NRG1: variants seen among roughly 807,000 people sequenced by gnomAD.
NRG1 encodes pro-neuregulin-1, membrane-bound isoform.
In NRG1, 18 loss-of-function variants were observed where a neutral mutation model predicts 63.8. The observed-to-expected ratio is 0.28, with a 90% CI of 0.19 to 0.42. The LOEUF (loss-of-function observed/expected upper bound fraction) is 0.42, where lower values mean the gene tolerates loss of function less well. Among genes scored for constraint, NRG1 ranks in the 10% least tolerant of loss-of-function variants. The pLI, the probability that NRG1 is intolerant of heterozygous loss-of-function variation, is 1.00. For synonymous variants in NRG1, 302 were observed against 301.3 expected, an observed-to-expected ratio of 1.00 and a Z score of -0.02; for missense variants, 762 against 814.7, an observed-to-expected ratio of 0.94 and a Z score of 0.79.
chr8:32,420,155 T>G (rs1376826064), intron 1 of NRG1, among the ~76,000 whole-genome samples: 1 of 152,140 alleles, frequency 6.6e-6, no homozygotes. Context: ...TGACAAGGAC[T>G]TTCAGTGTGA....
At chr8:32,256,055 C>T (rs1192433563) in intron 1 of NRG1, among the ~76,000 whole-genome samples, 1 of 152,132 alleles carries the variant, frequency 6.6e-6, no homozygotes, top group Non-Finnish European at 1.5e-5. Context: ...TTTTTCAGCT[C>T]CATCAGGTCT....
At chr8:31,734,663 A>G (rs953780076) in intron 1 of NRG1, among the ~76,000 whole-genome samples, 1 of 152,192 alleles carries the variant, frequency 6.6e-6, no homozygotes, top group African/African-American at 2.4e-5. Context: ...TTACGTATTA[A>G]ACATTATATT....
chr8:31,780,029 C>T (rs1040391971), intron 1 of NRG1, among the ~76,000 whole-genome samples: 10 of 152,198 alleles, frequency 6.6e-5, no homozygotes, highest in Non-Finnish European at 1.0e-4. Context: ...CTGAGGCTCT[C>T]TGATACCCGC....
intron 1 of NRG1, among the ~76,000 whole-genome samples, chr8:32,481,159 CATG>C (rs1352264419): frequency 1.3e-5 from 2 of 151,984 alleles, no homozygotes; most frequent in Non-Finnish European, 2.9e-5. Flanking sequence ...GCCTGGGCAA[CATG>C]ATGAAATCTC....
chr8:32,354,261 A>G (rs1215725116), intron 1 of NRG1, among the ~76,000 whole-genome samples: 4 of 151,932 alleles, frequency 2.6e-5, no homozygotes, highest in African/African-American at 9.7e-5. Flanking sequence ...CCCAGCTACT[A>G]GGGAGGCTGA....
chr8:32,482,306 A>T (rs142468452), intron 1 of NRG1, among the ~76,000 whole-genome samples: 6 of 152,144 alleles, frequency 3.9e-5, no homozygotes, highest in Non-Finnish European at 7.3e-5. Flanking sequence ...GAGGAGAGTT[A>T]TACAATCAGC....
intron 1 of NRG1, among the ~76,000 whole-genome samples, chr8:32,425,759 A>G (rs1251510344): frequency 6.6e-6 from 1 of 152,172 alleles, no homozygotes; most frequent in Non-Finnish European, 1.5e-5. Context: ...CCCAGCATGT[A>G]AAGTTTCTAA....
intron 1 of NRG1, among the ~76,000 whole-genome samples, chr8:31,874,329 G>T: frequency 6.6e-6 from 1 of 152,240 alleles, no homozygotes; most frequent in Non-Finnish European, 1.5e-5. Context: ...TTAAAGTAAT[G>T]GATGAAATAA....
At chr8:32,013,695 G>A (rs1815086993) in intron 1 of NRG1, among the ~76,000 whole-genome samples, 1 of 152,110 alleles carries the variant, frequency 6.6e-6, no homozygotes, top group Admixed American at 6.6e-5. Context: ...AACCCTGTCT[G>A]TCCACTACCC....
intron 1 of NRG1, among the ~76,000 whole-genome samples, chr8:31,962,743 T>A (rs1440407733): frequency 6.6e-6 from 1 of 152,198 alleles, no homozygotes; most frequent in Non-Finnish European, 1.5e-5. Flanking sequence ...CTGCTGGGTA[T>A]AAGCCTAGAG....
At chr8:32,530,051 T>C (rs1831281756) in intron 1 of NRG1, among the ~76,000 whole-genome samples, 2 of 152,090 alleles carry the variant, frequency 1.3e-5, no homozygotes, top group African/African-American at 4.8e-5. Context: ...ACACGAGTAA[T>C]GTGTTGTGCT....
At chr8:32,124,000 A>C (rs1833793571) in intron 1 of NRG1, among the ~76,000 whole-genome samples, 1 of 151,984 alleles carries the variant, frequency 6.6e-6, no homozygotes, top group Admixed American at 6.6e-5. Flanking sequence ...AACTAAAAAA[A>C]GGAAATTATT....
chr8:32,642,541 CT>C (rs1852622862), intron 5 of NRG1, among the ~76,000 whole-genome samples: 1 of 152,186 alleles, frequency 6.6e-6, no homozygotes, highest in Non-Finnish European at 1.5e-5. Context: ...GTACTTTATC[CT>C]CCAGAGAAGC....
At chr8:31,782,187 C>T (rs1368407930) in intron 1 of NRG1, among the ~76,000 whole-genome samples, 1 of 152,160 alleles carries the variant, frequency 6.6e-6, no homozygotes, top group African/African-American at 2.4e-5. Flanking sequence ...TGGCCTTCTT[C>T]TTGGTCTTCA....
chr8:32,725,492 T>TTC (rs1821892120), intron 5 of NRG1, among the ~76,000 whole-genome samples: 1 of 121,312 alleles, frequency 8.2e-6, no homozygotes, highest in Non-Finnish European at 1.7e-5. Flanking sequence ...TTTTTTTTTT[T>TTC]TGAGACAGAG....
intron 1 of NRG1, among the ~76,000 whole-genome samples, chr8:32,064,188 C>T (rs1824359742): frequency 6.6e-6 from 1 of 151,976 alleles, no homozygotes. Flanking sequence ...ACCAGAGCAA[C>T]AAAAAGGAGA....
intron 1 of NRG1, among the ~76,000 whole-genome samples, chr8:31,784,011 G>A (rs1306616059): frequency 6.6e-6 from 1 of 152,132 alleles, no homozygotes. Context: ...CTAATGCATG[G>A]ATATGTGATT....
intron 1 of NRG1, among the ~76,000 whole-genome samples, chr8:32,201,892 G>A (rs779927390): frequency 4.6e-5 from 7 of 152,154 alleles, no homozygotes; most frequent in Non-Finnish European, 8.8e-5. Context: ...TTTCACAGTG[G>A]CAAGGCTGAT....
At chr8:32,616,196 C>CT in intron 4 of NRG1, among the ~76,000 whole-genome samples, 1 of 151,784 alleles carries the variant, frequency 6.6e-6, no homozygotes, top group Non-Finnish European at 1.5e-5. Flanking sequence ...TACTTAATGA[C>CT]TGTTTTTTCT....
Sources: gnomAD v4.1 joint callset for allele counts (sites outside exome capture counted in the v4.1 genomes callset) on GRCh38, gnomAD v4.1.1 for gene constraint, MANE v1.5 for transcripts, NCBI Gene and HGNC (gene_info 2026-07-23, HGNC 2026-07-21) for gene names.